Variants in PBX1 observed in about 807,000 individuals in gnomAD.
PBX1 encodes the protein PBX homeobox 1.
Under a neutral mutation model 53.4 loss-of-function variants are expected in PBX1, and 6 were observed. The observed-to-expected ratio is 0.11, with a 90% CI of 0.06 to 0.22. The LOEUF is 0.22. Ranked by LOEUF, PBX1 falls within the 10% of genes least tolerant of loss-of-function variation. The probability of loss-of-function intolerance (pLI) is 1.00; values close to 1 mark genes in which losing one functional copy is unlikely to be tolerated. For synonymous variants in PBX1, 204 were observed against 212.3 expected (o/e 0.96, Z 0.34); for missense variants, 251 against 551.4 (o/e 0.46, Z 5.46).
intron 4 of PBX1, among the ~76,000 whole-genome samples, chr1:164,803,333 A>G (rs1669178811): frequency 6.6e-6 from 1 of 152,228 alleles, no homozygotes; most frequent in South Asian, 2.1e-4. Context: ...ATCCAGAGAG[A>G]GGGCCTAAAA....
At chr1:164,870,360 T>TCTTTCTTC (rs1192446196) in intron 2 of PBX1, among the ~76,000 whole-genome samples, 2 of 95,632 alleles carry the variant, frequency 2.1e-5, no homozygotes, top group Non-Finnish European at 2.2e-5. Flanking sequence ...TTTCTTTCTT[T>TCTTTCTTC]CGAGATGAAG....
chr1:164,649,366 T>G (rs1659650445), intron 2 of PBX1, among the ~76,000 whole-genome samples: 1 of 152,214 alleles, frequency 6.6e-6, no homozygotes, highest in South Asian at 2.1e-4. Flanking sequence ...TCATGCCATA[T>G]AGGGAAGGAA....
intron 2 of PBX1, among the ~76,000 whole-genome samples, chr1:164,757,922 A>G (rs765620561): frequency 2.0e-5 from 3 of 152,172 alleles, no homozygotes; most frequent in Admixed American, 6.5e-5. Context: ...CTCCCATGCT[A>G]TAGTGTTTTC....
In PBX1 at chr1:164,799,687, C is replaced by A; in HGVS notation, c.511-12C>A. The stretch of plus-strand genomic sequence containing the variant: ...ACCCTCAATGACGGTGTTGATTGTC[C>A]TGCCATTCCAGGCCTGCAACGAGTT... On this transcript the variant is annotated splice_polypyrimidine_tract_variant and intron_variant, in intron 3 of 8. Transcript: ENST00000420696. 1.2e-6 allele frequency: 2 copies of A among 1,605,246 alleles called. No individual in the cohort carries two copies. Among genetic ancestry groups the A allele is most frequent in the Non-Finnish European group, 1.7e-6 (2 of 1,173,186 alleles).
At chr1:164,666,136 G>A (rs910046144) in intron 2 of PBX1, among the ~76,000 whole-genome samples, 7 of 152,132 alleles carry the variant, frequency 4.6e-5, no homozygotes, top group African/African-American at 2.4e-5. Flanking sequence ...CTATTCCCAC[G>A]AATCCCTCAC....
intron 2 of PBX1, among the ~76,000 whole-genome samples, chr1:164,749,298 G>T (rs1191059561): frequency 6.6e-6 from 1 of 152,010 alleles, no homozygotes; most frequent in Non-Finnish European, 1.5e-5. Context: ...ACTTAATACA[G>T]AAATTTTCTG....
At chr1:164,771,299 C>T (rs1425892958) in intron 2 of PBX1, 2 of 152,014 alleles carry the variant, frequency 1.3e-5, no homozygotes, top group African/African-American at 4.8e-5. Context: ...GGGTGGTGTT[C>T]AGCCTTCTCT....
chr1:164,787,267 C>G (rs1481312020), intron 2 of PBX1, among the ~76,000 whole-genome samples: 1 of 152,176 alleles, frequency 6.6e-6, no homozygotes, highest in African/African-American at 2.4e-5. Context: ...CCTGCCTCTG[C>G]TTTCTGTCTT....
chr1:164,651,041 G>A (rs1190737487), intron 2 of PBX1, among the ~76,000 whole-genome samples: 3 of 152,074 alleles, frequency 2.0e-5, no homozygotes, highest in Non-Finnish European at 2.9e-5. Flanking sequence ...GCCCAGGCAT[G>A]TCAGCTCCCA....
chr1:164,864,381 C>T (rs151113539), intron 2 of PBX1, among the ~76,000 whole-genome samples: 13 of 152,272 alleles, frequency 8.5e-5, no homozygotes, highest in African/African-American at 2.2e-4. Flanking sequence ...GGGTGAATTA[C>T]GAGCTGGTCC....
chr1:164,859,359 A>C (rs1490834672), intron 2 of PBX1, among the ~76,000 whole-genome samples: 2 of 152,168 alleles, frequency 1.3e-5, no homozygotes, highest in East Asian at 3.9e-4. Flanking sequence ...GGCCCTCTGC[A>C]TTTGGTTTCA....
At chr1:164,776,986 TG>T (rs1272336022) in intron 2 of PBX1, among the ~76,000 whole-genome samples, 2 of 12,132 alleles carry the variant, frequency 1.6e-4, no homozygotes, top group Non-Finnish European at 3.1e-4. Flanking sequence ...AGAGGAGGTG[TG>T]GGGGGGCGGG....
chr1:164,808,180 T>C (rs997808851), intron 5 of PBX1, among the ~76,000 whole-genome samples: 8 of 152,206 alleles, frequency 5.3e-5, no homozygotes, highest in Non-Finnish European at 1.0e-4. Context: ...AATTTTAACA[T>C]GTCACTGCGA....
chr1:164,638,330 G>A (rs539688544), intron 2 of PBX1, among the ~76,000 whole-genome samples: 3 of 152,314 alleles, frequency 2.0e-5, no homozygotes, highest in Admixed American at 2.0e-4. Context: ...GAACCAGGGT[G>A]GAAAAATACA....
intron 2 of PBX1, among the ~76,000 whole-genome samples, chr1:164,712,783 C>CGGTT (rs1663872958): frequency 6.6e-6 from 1 of 152,096 alleles, no homozygotes; most frequent in South Asian, 2.1e-4. Context: ...GTTGCCTGTT[C>CGGTT]CGTTCAGCGT....
chr1:164,649,522 C>T (rs1444215473), intron 2 of PBX1, among the ~76,000 whole-genome samples: 3 of 152,114 alleles, frequency 2.0e-5, no homozygotes, highest in Admixed American at 6.5e-5. Flanking sequence ...CCCCAGTATG[C>T]GAAAGTGGCT....
intron 2 of PBX1, among the ~76,000 whole-genome samples, chr1:164,703,614 T>G (rs1339324175): frequency 6.6e-6 from 1 of 152,336 alleles, no homozygotes; most frequent in East Asian, 1.9e-4. Context: ...GGCGTACATG[T>G]GACAGCTTGG....
intron 2 of PBX1, among the ~76,000 whole-genome samples, chr1:164,721,444 T>C (rs1321081071): frequency 6.6e-6 from 1 of 152,070 alleles, no homozygotes; most frequent in African/African-American, 2.4e-5. Flanking sequence ...TGTGTGTGTG[T>C]GTGTGTATTT....
intron 8 of PBX1, chr1:164,828,771 A>T (rs1367722941): frequency 2.0e-5 from 3 of 152,212 alleles, no homozygotes; most frequent in African/African-American, 7.2e-5. Context: ...AATTATGGGA[A>T]ACATTAGCAT....
Sources: allele counts gnomAD v4.1 joint callset (sites outside exome capture counted in the v4.1 genomes callset), GRCh38; gene constraint gnomAD v4.1.1; transcripts MANE v1.5; gene names NCBI Gene and HGNC (gene_info 2026-07-23, HGNC 2026-07-21).